DLGAP4: variants seen among roughly 807,000 people sequenced by gnomAD.
DLGAP4 encodes DLG associated protein 4, also known as disks large-associated protein 4.
In DLGAP4, 18 loss-of-function variants were observed where a neutral mutation model predicts 86.9. The observed-to-expected ratio is 0.21, with a 90% CI of 0.14 to 0.31. DLGAP4 has a LOEUF of 0.31. Among genes scored for constraint, DLGAP4 ranks in the 10% least tolerant of loss-of-function variants. DLGAP4 has a pLI of 1.00. For missense variants in DLGAP4, 1,085 were observed against 1,362.6 expected (o/e 0.80, Z 3.21); for synonymous variants, 548 against 574.3 (o/e 0.95, Z 0.65).
chr20:36,467,064 C>CTCTCTCTCTCTCTCT lies in DLGAP4; in HGVS notation c.1648+20127_1648+20128insTCTCTCTCTCTCTCT, dbSNP rs1555907464. Among the ~76,000 whole-genome samples, 95 of 118,156 alleles carry CTCTCTCTCTCTCTCT rather than the reference C, an allele frequency of 8.0e-4. 13 individuals carry two copies. Among genetic ancestry groups the CTCTCTCTCTCTCTCT allele is most frequent in the African/African-American group, 4.4e-3 (91 of 20,598 alleles). The allele number at this position is 118,156 out of a possible 152,430, so 77.5% of individuals were successfully genotyped here. ...TCTCTCTCTCTCTCTCTCTCTCTCT[C>CTCTCTCTCTCTCTCT]CCCCCCCCTTCTCTCGGCCCTGCCT... On this transcript the variant is annotated intron_variant, in intron 7 of 12. Transcript: ENST00000339266.
At chr20:36,398,710 C>T (rs2032069842) in intron 2 of DLGAP4, among the ~76,000 whole-genome samples, 1 of 152,162 alleles carries the variant, frequency 6.6e-6, no homozygotes, top group African/African-American at 2.4e-5. Context: ...AAATGGAAAC[C>T]AGAGAGGTTG....
intron 7 of DLGAP4, among the ~76,000 whole-genome samples, chr20:36,472,071 C>A (rs1271500872): frequency 2.0e-5 from 3 of 152,154 alleles, no homozygotes; most frequent in Admixed American, 6.5e-5. Context: ...CCTCCTCCCC[C>A]AAGCCAGCAG....
rs2030116762 is a variant in DLGAP4, at chr20:36,350,537, G to C, written c.-303-16508G>C. Reference sequence around the variant, plus strand: ...CTTCCCTGGACTGTGAAATGGGCCTGATAGTGTCCATCTGTCATTTCCCTG... The same window carrying C: ...CTTCCCTGGACTGTGAAATGGGCCTCATAGTGTCCATCTGTCATTTCCCTG... On this transcript the variant is annotated intron_variant, in intron 1 of 12. Coordinates refer to ENST00000339266, the MANE Select transcript of DLGAP4 (RefSeq NM_001365621.2). The surrounding 1 kb of genome is among the most constrained non-coding windows in gnomAD (Gnocchi z 4.4). 1.3e-5 allele frequency among the ~76,000 whole-genome samples: 2 copies of C among 152,222 alleles called. No homozygotes were observed. Among genetic ancestry groups the C allele is most frequent in the South Asian group, 4.1e-4 (2 of 4,832 alleles).
At chr20:36,525,405 G>C (rs530719113) in intron 11 of DLGAP4, 17 of 220,336 alleles carry the variant, frequency 7.7e-5, no homozygotes, top group Non-Finnish European at 1.2e-4. Flanking sequence ...AGTGGAGTGA[G>C]TGTTTGTCTC....
intron 7 of DLGAP4, among the ~76,000 whole-genome samples, chr20:36,458,024 G>A (rs1012508330): frequency 3.9e-5 from 6 of 152,264 alleles, no homozygotes; most frequent in African/African-American, 1.2e-4. Flanking sequence ...GAGGCAGGAG[G>A]TGCCTGACAG....
intron 3 of DLGAP4, 72 bp from the exon 4 acceptor site, chr20:36,436,037 C>A: frequency 6.8e-7 from 1 of 1,462,832 alleles, no homozygotes; most frequent in Non-Finnish European, 9.0e-7. Flanking sequence ...GCTTCAGGTC[C>A]CGGAGATGGG....
chr20:36,447,303 A>C (rs1489140063), intron 7 of DLGAP4, among the ~76,000 whole-genome samples: 2 of 152,216 alleles, frequency 1.3e-5, no homozygotes, highest in Non-Finnish European at 2.9e-5. Flanking sequence ...CCTGTAGGGC[A>C]GGTTGGAACC....
At chr20:36,525,251 A>AG (rs2037663652) in intron 11 of DLGAP4, among the ~76,000 whole-genome samples, 3 of 63,226 alleles carry the variant, frequency 4.7e-5, no homozygotes, top group Admixed American at 3.7e-4. Flanking sequence ...AAAAAAAAAA[A>AG]AAACAAAGAA....
intron 1 of DLGAP4, among the ~76,000 whole-genome samples, chr20:36,336,630 CTG>C (rs1421256905): frequency 3.3e-5 from 5 of 152,196 alleles, no homozygotes; most frequent in Non-Finnish European, 1.5e-5. Context: ...ACTCTCCTAA[CTG>C]TGGGTGTGTG....
chr20:36,422,855 C>A (rs1194423361), intron 2 of DLGAP4, among the ~76,000 whole-genome samples: 2 of 152,146 alleles, frequency 1.3e-5, no homozygotes, highest in Non-Finnish European at 2.9e-5. Flanking sequence ...TTATGGGCAC[C>A]CGGGTGGGCC....
chr20:36,514,076 C>T (rs955804463), intron 10 of DLGAP4, among the ~76,000 whole-genome samples: 51 of 152,104 alleles, frequency 3.4e-4, no homozygotes, highest in African/African-American at 1.1e-3. Flanking sequence ...ATCCCAGAGA[C>T]ATGAACACTT....
At chr20:36,310,346 G>C (rs1287496680) in intron 1 of DLGAP4, among the ~76,000 whole-genome samples, 1 of 152,350 alleles carries the variant, frequency 6.6e-6, no homozygotes, top group African/African-American at 2.4e-5. Flanking sequence ...GGCCACTCCT[G>C]AGTGGGCCAC....
At position 36,528,453 on chromosome 20, in the gene DLGAP4, C is replaced by CT. The variant is rs201843178; in HGVS notation, c.*1422_*1423insT. ...CGCTTGCTGCAGGGGGGGACCCCCCCCCGTCCCCAGGTGAACCAAGGGTCT... is the reference window on the plus strand; with the variant it reads ...CGCTTGCTGCAGGGGGGGACCCCCCCTCCGTCCCCAGGTGAACCAAGGGTCT... On this transcript the variant is annotated 3_prime_UTR_variant, in exon 13 of 13. Transcript: ENST00000339266. The CT allele has an allele frequency of 2.0e-5, 3 of 152,882 alleles. No individual in the cohort carries two copies. Among genetic ancestry groups the CT allele is most frequent in the Admixed American group, 6.5e-5 (1 of 15,274 alleles). 9.5% of individuals were successfully genotyped at this position (152,882 alleles called of 1,614,324 possible).
chr20:36,362,676 C>T (rs1555894303), intron 1 of DLGAP4, among the ~76,000 whole-genome samples: 1 of 152,234 alleles, frequency 6.6e-6, no homozygotes, highest in Non-Finnish European at 1.5e-5. Context: ...GGCAATGAAA[C>T]AGACAGAACT....
chr20:36,421,820 T>A (rs1657350630), intron 2 of DLGAP4, among the ~76,000 whole-genome samples: 1 of 152,066 alleles, frequency 6.6e-6, no homozygotes, highest in Admixed American at 6.5e-5. Context: ...CAGGGCAAGA[T>A]GTCAAGGAGG....
intron 2 of DLGAP4, among the ~76,000 whole-genome samples, chr20:36,368,004 CACTGGGGTAAA>C (rs1431438664): frequency 6.6e-6 from 1 of 152,242 alleles, no homozygotes; most frequent in Non-Finnish European, 1.5e-5. Flanking sequence ...TACATGGGGC[CACTGGGGTAAA>C]ATCTGCCTCC....
At chr20:36,525,115 G>A (rs1398820598) in intron 11 of DLGAP4, among the ~76,000 whole-genome samples, 1 of 149,474 alleles carries the variant, frequency 6.7e-6, no homozygotes, top group Non-Finnish European at 1.5e-5. Context: ...CTACTCGGGA[G>A]GCTGAGGCAG....
At chr20:36,478,322 T>A (rs1321441999) in intron 7 of DLGAP4, among the ~76,000 whole-genome samples, 1 of 151,920 alleles carries the variant, frequency 6.6e-6, no homozygotes, top group Non-Finnish European at 1.5e-5. Flanking sequence ...ATCTGTGCCC[T>A]CCCTAATCTA....
At chr20:36,504,170 C>A (rs377643852) in intron 10 of DLGAP4, among the ~76,000 whole-genome samples, 3 of 152,150 alleles carry the variant, frequency 2.0e-5, no homozygotes, top group Non-Finnish European at 4.4e-5. Flanking sequence ...CACAATATTG[C>A]ACTACCATCA....
Sources: allele counts gnomAD v4.1 joint callset (sites outside exome capture counted in the v4.1 genomes callset), GRCh38; gene constraint gnomAD v4.1.1; non-coding constraint Gnocchi (gnomAD v3.1); transcripts MANE v1.5; gene names NCBI Gene and HGNC (gene_info 2026-07-23, HGNC 2026-07-21).